The following GPRC5A variants were observed in gnomAD, a reference collection of about 807,000 sequenced individuals.
The protein encoded by GPRC5A is retinoic acid-induced protein 3.
In GPRC5A, 19 loss-of-function variants were observed where a neutral mutation model predicts 22.5. The observed-to-expected ratio is 0.85, with a 90% CI of 0.59 to 1.24. GPRC5A has a LOEUF of 1.24. GPRC5A is among the 50% of genes most tolerant of loss of function. The pLI, the probability that GPRC5A is intolerant of heterozygous loss-of-function variation, is 0.00. For synonymous variants in GPRC5A, 192 were observed against 184.5 expected (o/e 1.04, Z -0.33); for missense variants, 471 against 451.1 (o/e 1.04, Z -0.40).
At chr12:12,894,296 A>G (rs189340873) in intron 1 of GPRC5A, among the ~76,000 whole-genome samples, 1 of 152,334 alleles carries the variant, frequency 6.6e-6, no homozygotes, top group Admixed American at 6.5e-5. Flanking sequence ...CATTTACACA[A>G]TTTTACCATG....
rs984732692 is a variant in GPRC5A, at chr12:12,902,636, G to A, written c.-7-5607G>A. On this transcript the variant is annotated intron_variant, in intron 1 of 3. Transcript: ENST00000014914. ...ATTAAAAAAATTAGCCAGGTGTGGTGGCATGCGCTTGTAGTTTCAGCTTCT... is the reference window on the plus strand; with the variant it reads ...ATTAAAAAAATTAGCCAGGTGTGGTAGCATGCGCTTGTAGTTTCAGCTTCT... Among the ~76,000 whole-genome samples, 5 of 152,018 alleles carry A rather than the reference G, an allele frequency of 3.3e-5. No homozygotes were observed. The East Asian group carries it at 9.6e-4, about 29-fold the overall frequency.
chr12:12,902,995 A>G (rs1164340980), intron 1 of GPRC5A, among the ~76,000 whole-genome samples: 1 of 152,198 alleles, frequency 6.6e-6, no homozygotes, highest in Non-Finnish European at 1.5e-5. Flanking sequence ...TGAACCTGGG[A>G]GGTGGAGGTT....
At chr12:12,897,609 CTTT>C (rs35808659) in intron 1 of GPRC5A, among the ~76,000 whole-genome samples, 3 of 134,086 alleles carry the variant, frequency 2.2e-5, no homozygotes, top group Non-Finnish European at 3.2e-5. Context: ...GAATACGCTT[CTTT>C]TTTTTTTTTT....
Position 12,908,993 on chromosome 12 carries a change from C to A in GPRC5A, c.744C>A (p.Ala248=), listed in dbSNP as rs765133193. 3.1e-6 allele frequency: 5 copies of A among 1,614,160 alleles called. No individual in the cohort carries two copies. Among genetic ancestry groups the A allele is most frequent in the Non-Finnish European group, 4.2e-6 (5 of 1,180,050 alleles). ...RRWDDTILSS[A]LAANGWVFLL... is the part of the protein sequence containing the mutation. Reference sequence around the variant, plus strand: ...GGGATGACACCATCCTCAGCTCCGCCTTGGCTGCCAATGGCTGGGTGTTCC... The same window carrying A: ...GGGATGACACCATCCTCAGCTCCGCATTGGCTGCCAATGGCTGGGTGTTCC... The change falls in exon 2 of 4, where the codon GCC becomes GCA. Residue 248 remains alanine (A), a synonymous_variant. Coordinates refer to ENST00000014914, the MANE Select transcript of GPRC5A (RefSeq NM_003979.4).
At chr12:12,895,441 A>C (rs1364788225) in intron 1 of GPRC5A, among the ~76,000 whole-genome samples, 20 of 150,094 alleles carry the variant, frequency 1.3e-4, no homozygotes, top group Non-Finnish European at 2.8e-4. Context: ...ATTGTCATCT[A>C]ATTTTAGGCT....
chr12:12,905,598 T>C (rs1863933081), intron 1 of GPRC5A, among the ~76,000 whole-genome samples: 1 of 152,218 alleles, frequency 6.6e-6, no homozygotes, highest in Non-Finnish European at 1.5e-5. Context: ...TTGTTGAATC[T>C]CAACATCTTA....
chr12:12,901,319 C>A (rs1565463679), intron 1 of GPRC5A, among the ~76,000 whole-genome samples: 1 of 152,072 alleles, frequency 6.6e-6, no homozygotes, highest in African/African-American at 2.4e-5. Context: ...AAGATAGGAG[C>A]GGGGTTCAGA....
chr12:12,910,440 T>G (rs1448064076), intron 2 of GPRC5A, among the ~76,000 whole-genome samples: 1 of 152,136 alleles, frequency 6.6e-6, no homozygotes, highest in Non-Finnish European at 1.5e-5. Flanking sequence ...ACTGTCAGCT[T>G]TCTCCCTTAA....
At chr12:12,894,568 C>G (rs904807939) in intron 1 of GPRC5A, among the ~76,000 whole-genome samples, 3 of 151,960 alleles carry the variant, frequency 2.0e-5, no homozygotes, top group Admixed American at 2.0e-4. Context: ...ACCACTACAC[C>G]TGGCTAATTT....
At chr12:12,904,884 GTTTTTT>G (rs146219111) in intron 1 of GPRC5A, among the ~76,000 whole-genome samples, 1 of 127,282 alleles carries the variant, frequency 7.9e-6, no homozygotes. Flanking sequence ...AAATTTTGTG[GTTTTTT>G]TTTTTTTTTT....
At chr12:12,906,107 A>G (rs529471743) in intron 1 of GPRC5A, among the ~76,000 whole-genome samples, 3 of 152,332 alleles carry the variant, frequency 2.0e-5, no homozygotes, top group African/African-American at 7.2e-5. Flanking sequence ...TCCTGGCACC[A>G]GACAACCTGG....
At chr12:12,905,410 C>G (rs1863931028) in intron 1 of GPRC5A, among the ~76,000 whole-genome samples, 2 of 151,878 alleles carry the variant, frequency 1.3e-5, no homozygotes, top group South Asian at 4.2e-4. Flanking sequence ...CTAGTCCGTT[C>G]AAAACTTTTT....
At chr12:12,911,259 C>G (rs1471208586) in intron 2 of GPRC5A, among the ~76,000 whole-genome samples, 1 of 152,170 alleles carries the variant, frequency 6.6e-6, no homozygotes, top group Non-Finnish European at 1.5e-5. Context: ...CTTTGAACTG[C>G]ATTCATGATG....
At chr12:12,894,772 GTTT>G (rs56794431) in intron 1 of GPRC5A, among the ~76,000 whole-genome samples, 895 of 67,428 alleles carry the variant, frequency 0.013, 4 homozygotes, top group African/African-American at 0.05. Context: ...GTCTAGGATG[GTTT>G]TTTTTTTTTT....
Position 12,912,839 on chromosome 12 carries a change from TG to T in GPRC5A, c.*301del, listed in dbSNP as rs1359645266. 9.4e-6 allele frequency: 3 copies of T among 319,598 alleles called. No individual in the cohort carries two copies. Among genetic ancestry groups the T allele is most frequent in the Admixed American group, 9.1e-5 (2 of 21,972 alleles). The allele number at this position is 319,598 out of a possible 1,614,324, so 19.8% of individuals were successfully genotyped here. A position where few individuals can be genotyped will look rare whatever the true frequency, so the allele number is the denominator to read the frequency against. Reference sequence around the variant, plus strand: ...ACCCTTACTCTTTTTGTTTGTTTTTTGAAACAGGATCTTGCTCTGTCACCCA... The same window carrying T: ...ACCCTTACTCTTTTTGTTTGTTTTTTAAACAGGATCTTGCTCTGTCACCCA... On this transcript the variant is annotated 3_prime_UTR_variant, in exon 4 of 4. Coordinates refer to ENST00000014914, the MANE Select transcript of GPRC5A (RefSeq NM_003979.4).
At chr12:12,898,355 G>C (rs1015807907) in intron 1 of GPRC5A, among the ~76,000 whole-genome samples, 2 of 152,064 alleles carry the variant, frequency 1.3e-5, no homozygotes, top group African/African-American at 4.8e-5. Flanking sequence ...GCAACATAGC[G>C]AGACCCCACC....
In GPRC5A at chr12:12,912,128, C is replaced by T. The variant is rs1400826656; in HGVS notation, c.967C>T (p.His323Tyr). 1.2e-6 allele frequency: 2 copies of T among 1,610,810 alleles called. No individual in the cohort carries two copies. The highest frequency in any genetic ancestry group is 1.7e-6 in the Non-Finnish European group (2 of 1,177,022). The change falls in exon 3 of 4, where the codon CAT (histidine) becomes TAT (tyrosine). Residue 323 changes from histidine to tyrosine, a missense_variant. By Grantham distance (83) the His-to-Tyr change is moderately conservative (BLOSUM62 2). Coordinates refer to ENST00000014914, the MANE Select transcript of GPRC5A (RefSeq NM_003979.4). ...CACGCTCTATGCCCCCTATTCCACA[C>T]ATTTTCAGCTGCAGGTAAGTGATTT... is the stretch of plus-strand genomic sequence containing the variant. ...GDTLYAPYSTHFQLQNQPPQK... is the reference protein window; with the variant it reads ...GDTLYAPYSTYFQLQNQPPQK...
At position 12,912,713 on chromosome 12, in the gene GPRC5A, A is replaced by G. The variant is rs1023028949; in HGVS notation, c.*174A>G. On this transcript the variant is annotated 3_prime_UTR_variant, in exon 4 of 4. Transcript: ENST00000014914. ...TTCCATGCTGGGGCTGATGTGGGCT[A>G]GTAAGACTCCAGTTCTTAGAGGCGC... The G allele has an allele frequency of 1.8e-6, 1 of 566,152 alleles. No individual in the cohort carries two copies. Among genetic ancestry groups the G allele is most frequent in the Admixed American group, 3.1e-5 (1 of 32,300 alleles). The allele number at this position is 566,152 out of a possible 1,614,324, so 35.1% of individuals were successfully genotyped here. A position where few individuals can be genotyped will look rare whatever the true frequency, so the allele number is the denominator to read the frequency against.
chr12:12,902,093 A>G (rs576092611), intron 1 of GPRC5A, among the ~76,000 whole-genome samples: 40 of 152,224 alleles, frequency 2.6e-4, no homozygotes, highest in Admixed American at 1.5e-3. Flanking sequence ...ATCTCTTCCA[A>G]TCCCCTGGTG....
Sources: allele counts gnomAD v4.1 joint callset (sites outside exome capture counted in the v4.1 genomes callset), GRCh38; gene constraint gnomAD v4.1.1; transcripts MANE v1.5; gene names NCBI Gene and HGNC (gene_info 2026-07-23, HGNC 2026-07-21).